The following TRPC7 variants were observed in gnomAD, a reference collection of about 807,000 sequenced individuals.
TRPC7 encodes the protein short transient receptor potential channel 7.
Under a neutral mutation model 90.1 loss-of-function variants are expected in TRPC7, and 42 were observed. The ratio of observed to expected loss-of-function variants is 0.47; its 90% confidence interval spans 0.36 to 0.60. The LOEUF (loss-of-function observed/expected upper bound fraction) is 0.60. Ranked by LOEUF, TRPC7 falls within the 20% of genes least tolerant of loss-of-function variation. The pLI is 0.00. For synonymous variants in TRPC7, 451 were observed against 436.3 expected (o/e 1.03, Z -0.42); for missense variants, 955 against 1,112.3 (o/e 0.86, Z 2.01).
At chr5:136,358,585 C>T (rs946269944) in intron 1 of TRPC7, among the ~76,000 whole-genome samples, 3 of 152,274 alleles carry the variant, frequency 2.0e-5, no homozygotes, top group Admixed American at 2.0e-4. Context: ...CCCAAACTTA[C>T]ATTACCAAAG....
intron 2 of TRPC7, among the ~76,000 whole-genome samples, chr5:136,325,175 C>A (rs965660518): frequency 1.3e-5 from 2 of 152,142 alleles, no homozygotes; most frequent in African/African-American, 4.8e-5. Context: ...GTATTATTAT[C>A]CCTAAATAAG....
intron 3 of TRPC7, among the ~76,000 whole-genome samples, chr5:136,289,297 C>T (rs1027367100): frequency 7.9e-5 from 12 of 152,200 alleles, no homozygotes; most frequent in Admixed American, 1.3e-4. Flanking sequence ...CTGGGGAGTG[C>T]CAGACAGTGG....
intron 5 of TRPC7, among the ~76,000 whole-genome samples, chr5:136,257,467 C>G (rs1393332030): frequency 6.6e-6 from 1 of 152,034 alleles, no homozygotes; most frequent in Non-Finnish European, 1.5e-5. Context: ...AGGCATGAGC[C>G]ACCACTTCCG....
chr5:136,246,982 T>A (rs970195057), intron 7 of TRPC7, among the ~76,000 whole-genome samples: 1 of 152,220 alleles, frequency 6.6e-6, no homozygotes, highest in South Asian at 2.1e-4. Context: ...TTGTTTACCC[T>A]GAGATAACTC....
At chr5:136,333,970 C>T (rs1759577604) in intron 2 of TRPC7, among the ~76,000 whole-genome samples, 1 of 152,100 alleles carries the variant, frequency 6.6e-6, no homozygotes, top group Admixed American at 6.5e-5. Flanking sequence ...CCTAGAATTT[C>T]AATGTTGGAG....
intron 3 of TRPC7, among the ~76,000 whole-genome samples, chr5:136,306,983 C>A (rs866245914): frequency 3.3e-5 from 5 of 152,348 alleles, no homozygotes; most frequent in African/African-American, 7.2e-5. Context: ...GTTGCTCACA[C>A]AAAGCCTGTT....
chr5:136,246,732 AC>A (rs1430154746), intron 7 of TRPC7, among the ~76,000 whole-genome samples: 3 of 152,216 alleles, frequency 2.0e-5, no homozygotes, highest in African/African-American at 7.2e-5. Context: ...TGCAACTTTT[AC>A]CCAGAGTTCT....
At position 136,315,838 on chromosome 5, in the gene TRPC7, C is replaced by G. The variant is rs1248118207; in HGVS notation, c.781-59G>C. On this transcript the variant is annotated intron_variant, in intron 2 of 11. Coordinates refer to ENST00000513104, the MANE Select transcript of TRPC7 (RefSeq NM_020389.3). ...CATGGAGGCCCGCAGATTGGCTTGC[C>G]CAGCATAGCAGTGTCGATCAGCAAC... 6 of 1,547,380 alleles carry G rather than the reference C, an allele frequency of 3.9e-6. No homozygotes were observed. In the African/African-American group the frequency reaches 8.1e-5, roughly 21 times the overall value.
intron 2 of TRPC7, among the ~76,000 whole-genome samples, chr5:136,331,104 G>A (rs1759486438): frequency 6.6e-6 from 1 of 151,996 alleles, no homozygotes; most frequent in Non-Finnish European, 1.5e-5. Flanking sequence ...TCCAAAGGGG[G>A]TAGCATGGTG....
chr5:136,331,807 C>T (rs1759509151), intron 2 of TRPC7, among the ~76,000 whole-genome samples: 1 of 152,160 alleles, frequency 6.6e-6, no homozygotes. Flanking sequence ...TCAGTATTCC[C>T]TAGTGAGAGC....
intron 1 of TRPC7, among the ~76,000 whole-genome samples, chr5:136,363,774 C>G (rs1760640390): frequency 6.6e-6 from 1 of 152,036 alleles, no homozygotes; most frequent in South Asian, 2.1e-4. Context: ...TCAAACTGTC[C>G]TAGGTACCAC....
intron 3 of TRPC7, among the ~76,000 whole-genome samples, chr5:136,313,065 T>C (rs946959574): frequency 9.3e-5 from 14 of 150,158 alleles, no homozygotes; most frequent in Non-Finnish European, 1.6e-4. Flanking sequence ...AATCCTCCTG[T>C]CTCAGCTTCT....
chr5:136,344,417 A>G (rs538973208), intron 2 of TRPC7, among the ~76,000 whole-genome samples: 1 of 152,352 alleles, frequency 6.6e-6, no homozygotes, highest in Non-Finnish European at 1.5e-5. Context: ...ATGCACATGT[A>G]TCCCTGAACC....
intron 3 of TRPC7, among the ~76,000 whole-genome samples, chr5:136,277,382 T>C (rs1279011162): frequency 6.6e-6 from 1 of 152,246 alleles, no homozygotes; most frequent in African/African-American, 2.4e-5. Flanking sequence ...AGATAGACTT[T>C]ATGATGTAAT....
At chr5:136,275,465 CCT>C in intron 3 of TRPC7, among the ~76,000 whole-genome samples, 1 of 152,176 alleles carries the variant, frequency 6.6e-6, no homozygotes, top group South Asian at 2.1e-4. Context: ...TGTTAAAACT[CCT>C]CAATATTTTC....
chr5:136,315,387 C>T (rs991188081), intron 3 of TRPC7, among the ~76,000 whole-genome samples: 1 of 152,066 alleles, frequency 6.6e-6, no homozygotes, highest in Non-Finnish European at 1.5e-5. Context: ...TGCTCTCTCT[C>T]CTGGTGGGCT....
intron 5 of TRPC7, among the ~76,000 whole-genome samples, chr5:136,256,403 C>A (rs539787150): frequency 6.6e-6 from 1 of 152,130 alleles, no homozygotes; most frequent in African/African-American, 2.4e-5. Flanking sequence ...CCTAATTTTC[C>A]TTAAGAACTT....
chr5:136,283,744 C>T (rs1003977219), intron 3 of TRPC7, among the ~76,000 whole-genome samples: 3 of 152,206 alleles, frequency 2.0e-5, no homozygotes, highest in African/African-American at 7.2e-5. Flanking sequence ...TTTCTTACTT[C>T]TGGGAATTTT....
At chr5:136,304,139 T>G (rs62385829) in intron 3 of TRPC7, among the ~76,000 whole-genome samples, 1 of 151,132 alleles carries the variant, frequency 6.6e-6, no homozygotes, top group Non-Finnish European at 1.5e-5. Flanking sequence ...ATCTCATTGC[T>G]GCCCTTCTTC....
Sources: gnomAD v4.1 joint callset for allele counts (sites outside exome capture counted in the v4.1 genomes callset) on GRCh38, gnomAD v4.1.1 for gene constraint, MANE v1.5 for transcripts, NCBI Gene and HGNC (gene_info 2026-07-23, HGNC 2026-07-21) for gene names.